STK36: variants seen among roughly 807,000 people sequenced by gnomAD.
The protein encoded by STK36 is serine/threonine kinase 36.
STK36 carries 116 observed loss-of-function variants against 142.2 expected under a neutral mutation model. The ratio of observed to expected loss-of-function variants is 0.82; its 90% CI spans 0.70 to 0.95. STK36 has a LOEUF of 0.95. STK36 is among the 40% of genes least tolerant of loss of function. STK36 has a pLI of 0.00. For missense variants in STK36, 1,422 were observed against 1,617.2 expected, an observed-to-expected ratio of 0.88 and a Z score of 2.07; for synonymous variants, 619 against 641.7, an observed-to-expected ratio of 0.96 and a Z score of 0.53.
intron 22 of STK36, chr2:218,696,822 C>T (rs754166611): frequency 1.1e-6 from 1 of 910,530 alleles, no homozygotes; most frequent in South Asian, 1.3e-5. Context: ...AAAATGAATT[C>T]CCTGGGTTTC....
rs1941481504 is a variant in STK36 at position 218,702,582 on chromosome 2, A to T, written c.*573A>T. On this transcript the variant is annotated 3_prime_UTR_variant, in exon 27 of 27. Transcript: ENST00000295709. The stretch of plus-strand genomic sequence containing the variant: ...GTGTGTATGTGTGTGTGTGTTTAAT[A>T]GTTCTGTTTGTAAACTCTTTTAATA... 1 of 151,900 alleles carries T rather than the reference A, an allele frequency of 6.6e-6. No individual in the cohort carries two copies. Among genetic ancestry groups the T allele is most frequent in the South Asian group, 2.1e-4 (1 of 4,820 alleles). 9.4% of individuals were successfully genotyped at this position (151,900 alleles called of 1,614,324 possible). A position where few individuals can be genotyped will look rare whatever the true frequency, so the allele number is the denominator to read the frequency against.
At chr2:218,696,869 A>G (rs1941252631) in intron 22 of STK36, 170 bp from the exon 23 acceptor site, 1 of 1,064,542 alleles carries the variant, frequency 9.4e-7, no homozygotes, top group African/African-American at 1.6e-5. Flanking sequence ...TCAGAGGGTT[A>G]AGGTTTGATA....
intron 10 of STK36, 102 bp from the exon 11 acceptor site, chr2:218,684,983 C>G (rs1940712952): frequency 6.8e-7 from 1 of 1,471,148 alleles, no homozygotes; most frequent in Non-Finnish European, 9.3e-7. Context: ...GTCACTGGCT[C>G]CTTGCAGTTA....
intron 10 of STK36, chr2:218,684,728 C>CT (rs1183404178): frequency 1.2e-5 from 2 of 168,282 alleles, no homozygotes; most frequent in Non-Finnish European, 2.6e-5. Flanking sequence ...CATTCACAAT[C>CT]TTTTTAATAA....
Position 218,673,643 on chromosome 2 carries a change from A to G in STK36, c.103A>G (p.Ile35Val). ...CTGACAGGTCGTGGCCCTGAAGTTC[A>G]TCCCAAAATTGGGGCGCTCAGAGAA... ...YSAQVVALKF[I>V]PKLGRSEKEL... is the part of the protein sequence containing the mutation. Residue 35 changes from isoleucine (I) to valine (V), a missense_variant, in exon 3 of 27, where the codon ATC (isoleucine) becomes GTC (valine). Around this residue, in one of 2 missense-constraint regions of STK36, gnomAD observed 460 missense variants for 449.6 expected, o/e 1.02. Transcript: ENST00000295709. The G allele has an allele frequency of 6.2e-7, 1 of 1,614,124 alleles. No individual in the cohort carries two copies. The highest frequency in any genetic ancestry group is 8.5e-7 in the Non-Finnish European group (1 of 1,180,012).
In STK36 at chr2:218,692,709, A is replaced by G. The variant is rs1364700136; in HGVS notation, c.2042A>G (p.Gln681Arg). The change falls in exon 16 of 27, where the codon CAG (glutamine) becomes CGG (arginine). Residue 681 changes from glutamine to arginine, a missense_variant and splice_region_variant. This residue lies in a region of STK36 where 962 missense variants were observed against 1,167.5 expected (regional missense o/e 0.82). Transcript: ENST00000295709. ...GLPDCWDAKE[Q>R]VCWHLANQLT... ...CCCGACTGCTGGGATGCCAAGGAGC[A>G]GGTCCGAGCTACAATTGGTTGTTCC... 1 of 1,611,638 alleles carries G rather than the reference A, an allele frequency of 6.2e-7. No individual in the cohort carries two copies. The highest frequency in any genetic ancestry group is 8.5e-7 in the Non-Finnish European group (1 of 1,179,358).
rs779594352 is a variant in STK36, at chr2:218,690,560, T to C, written c.1764+5T>C. Reference sequence around the variant, plus strand: ...TTGCGGAGGGACAGCCTTATGGTAATCTGCTCCCACTTCCAGATTTCTGTG... The same window carrying C: ...TTGCGGAGGGACAGCCTTATGGTAACCTGCTCCCACTTCCAGATTTCTGTG... On this transcript the variant is annotated splice_donor_5th_base_variant and intron_variant, in intron 14 of 26. Coordinates refer to ENST00000295709, the MANE Select transcript of STK36 (RefSeq NM_015690.5). 2.5e-6 allele frequency: 4 copies of C among 1,609,032 alleles called. No homozygotes were observed. Among genetic ancestry groups the C allele is most frequent in the South Asian group, 1.1e-5 (1 of 91,002 alleles).
chr2:218,687,884 A>G (rs1457178078), intron 11 of STK36, among the ~76,000 whole-genome samples: 1 of 152,248 alleles, frequency 6.6e-6, no homozygotes, highest in Non-Finnish European at 1.5e-5. Flanking sequence ...CTGGCCAGGC[A>G]TGGTGGCTCA....
In STK36 at chr2:218,673,628, G is replaced by A. The variant is rs371037310; in HGVS notation, c.88G>A (p.Val30Met). The change falls in exon 3 of 27, where the codon GTG (valine) becomes ATG (methionine). Residue 30 changes from valine (V) to methionine (M), a missense_variant. By Grantham distance (21) the Val-to-Met change is conservative. Coordinates refer to ENST00000295709, the MANE Select transcript of STK36 (RefSeq NM_015690.5). ...KGRRKYSAQV[V>M]ALKFIPKLGR... ...CTTTTCACCTTACCACTGACAGGTC[G>A]TGGCCCTGAAGTTCATCCCAAAATT... 29 of 1,613,396 alleles carry A rather than the reference G, an allele frequency of 1.8e-5. No homozygotes were observed. Among genetic ancestry groups the A allele is most frequent in the African/African-American group, 1.6e-4 (12 of 75,018 alleles).
In STK36 at chr2:218,701,383, G is replaced by A. The variant is rs1417508046; in HGVS notation, c.3805-483G>A. On this transcript the variant is annotated intron_variant, in intron 26 of 26. Transcript: ENST00000295709. The stretch of plus-strand genomic sequence containing the variant: ...TCTCGATGTCCTGACCTCGTGACCC[G>A]CCCGCCTTGGCCTCCCAAAGTACGG... 2.0e-5 allele frequency among the ~76,000 whole-genome samples: 3 copies of A among 151,592 alleles called. 1 individual carries two copies. Among genetic ancestry groups the A allele is most frequent in the Non-Finnish European group, 2.9e-5 (2 of 67,916 alleles).
intron 11 of STK36, among the ~76,000 whole-genome samples, chr2:218,686,876 C>A (rs1341449527): frequency 6.6e-6 from 1 of 152,178 alleles, no homozygotes; most frequent in Non-Finnish European, 1.5e-5. Context: ...ATTTTACATT[C>A]CCACCAGTAT....
chr2:218,702,104 T>C lies in STK36; in HGVS notation c.*95T>C. On this transcript the variant is annotated 3_prime_UTR_variant, in exon 27 of 27. Coordinates refer to ENST00000295709, the MANE Select transcript of STK36 (RefSeq NM_015690.5). Reference sequence around the variant, plus strand: ...CAACTCAACTGAGAGCTAAAGAGACTAGAAAAGAGATAAGCTGCCAACTCA... The same window carrying C: ...CAACTCAACTGAGAGCTAAAGAGACCAGAAAAGAGATAAGCTGCCAACTCA... 6.9e-7 allele frequency: 1 copy of C among 1,459,474 alleles called. No homozygotes were observed. The highest frequency in any genetic ancestry group is 2.3e-5 in the Admixed American group (1 of 43,086). 90.4% of individuals were successfully genotyped at this position (1,459,474 alleles called of 1,614,324 possible).
chr2:218,688,818 T>C lies in STK36; in HGVS notation c.1502T>C (p.Leu501Pro), dbSNP rs1559338316. 2 of 1,613,766 alleles carry C rather than the reference T, an allele frequency of 1.2e-6. No individual in the cohort carries two copies. The highest frequency in any genetic ancestry group is 1.7e-6 in the Non-Finnish European group (2 of 1,179,996). The stretch of plus-strand genomic sequence containing the variant: ...TATTCCTTCTGCCGGGAGGCAGGGC[T>C]TCCTGGGCTGCTGCTGAGTCTACTC... The part of the protein sequence containing the change: ...ALYSFCREAG[L>P]PGLLLSLLRH... The change falls in exon 12 of 27, where the codon CTT becomes CCT. Residue 501 changes from leucine (L) to proline (P), a missense_variant. This residue lies in a region of STK36 where 962 missense variants were observed against 1,167.5 expected (regional missense o/e 0.82). Coordinates refer to ENST00000295709, the MANE Select transcript of STK36 (RefSeq NM_015690.5).
At position 218,702,192 on chromosome 2, in the gene STK36, A is replaced by G. The variant is rs1468598396; in HGVS notation, c.*183A>G. On this transcript the variant is annotated 3_prime_UTR_variant, in exon 27 of 27. Transcript: ENST00000295709. ...GCTTCTTCCTTCTCCCAGATGCAGG[A>G]TGTTTTCAACCAGTAAATTTTATTG... The G allele has an allele frequency of 2.8e-6, 2 of 710,814 alleles. No individual in the cohort carries two copies. The highest frequency in any genetic ancestry group is 6.2e-5 in the East Asian group (2 of 32,230). The allele number at this position is 710,814 out of a possible 1,614,324, so 44.0% of individuals were successfully genotyped here.
At chr2:218,697,276 A>C in intron 23 of STK36, 63 bp downstream of exon 23, 1 of 1,560,056 alleles carries the variant, frequency 6.4e-7, no homozygotes, top group South Asian at 1.2e-5. Context: ...GAGGCAGCCC[A>C]GAACTGGGTT....
chr2:218,688,859 A>G lies in STK36; in HGVS notation c.1543A>G (p.Ser515Gly). 6.2e-7 allele frequency: 1 copy of G among 1,610,472 alleles called. No homozygotes were observed. The highest frequency in any genetic ancestry group is 8.5e-7 in the Non-Finnish European group (1 of 1,178,988). ...GAGTCTACTCAGGCACAGTCAGGAG[A>G]GCAACAGCCTCCAGCAGGTAAGCAC... is the stretch of plus-strand genomic sequence containing the variant. ...LLSLLRHSQE[S>G]NSLQQQSWYG... Residue 515 changes from serine to glycine, a missense_variant, in exon 12 of 27, where the codon AGC becomes GGC. This residue lies in a region of STK36 where 962 missense variants were observed against 1,167.5 expected (regional missense o/e 0.82). Transcript: ENST00000295709.
At chr2:218,674,932 TCTGA>T (rs1377559091) in intron 4 of STK36, among the ~76,000 whole-genome samples, 1 of 152,210 alleles carries the variant, frequency 6.6e-6, no homozygotes, top group Non-Finnish European at 1.5e-5. Context: ...TGTTTGTTTG[TCTGA>T]CTACTTTTCT....
At chr2:218,675,262 T>C (rs1940180541) in intron 4 of STK36, 81 bp from the exon 5 acceptor site, 2 of 1,489,678 alleles carry the variant, frequency 1.3e-6, no homozygotes, top group East Asian at 2.3e-5. Flanking sequence ...TTAGCAGTAA[T>C]ATTAAGAGAA....
rs563154745 is a variant in STK36, at chr2:218,682,451, A to G, written c.1236+1749A>G. ...TACAATTATGAAAGTCAGAAATTTAACATTGATATAATACTGTTATAATAG... is the reference window on the plus strand; with the variant it reads ...TACAATTATGAAAGTCAGAAATTTAGCATTGATATAATACTGTTATAATAG... On this transcript the variant is annotated intron_variant, in intron 10 of 26. Transcript: ENST00000295709. Among the ~76,000 whole-genome samples the G allele has an allele frequency of 3.9e-5, 6 of 152,318 alleles. No homozygotes were observed. The South Asian group carries it at 1.2e-3, about 32-fold the overall frequency.
Sources: allele counts gnomAD v4.1 joint callset (sites outside exome capture counted in the v4.1 genomes callset), GRCh38; gene constraint gnomAD v4.1.1; regional missense constraint gnomAD v4.1.1; transcripts MANE v1.5; gene names NCBI Gene and HGNC (gene_info 2026-07-23, HGNC 2026-07-21).